The following LGSN variants were observed in gnomAD, a reference collection of about 807,000 sequenced individuals.
LGSN encodes the protein lengsin.
Under a neutral mutation model 19.5 loss-of-function variants are expected in LGSN, and 21 were observed. That is an observed-to-expected ratio of 1.07 (90% CI 0.76 to 1.55). The LOEUF (loss-of-function observed/expected upper bound fraction) is 1.55. Among genes scored for constraint, LGSN ranks in the 40% most tolerant of loss-of-function variants. The pLI is 0.00. For synonymous variants in LGSN, 257 were observed against 215.6 expected, an observed-to-expected ratio of 1.19 and a Z score of -1.68; for missense variants, 673 against 608.5, an observed-to-expected ratio of 1.11 and a Z score of -1.12.
At chr6:63,389,660 C>T in the LGSN span, among the ~76,000 whole-genome samples, 213 of 152,286 alleles carry the variant, frequency 1.4e-3, 2 homozygotes, top group African/African-American at 4.5e-3. Flanking sequence ...TGCTGTGAAA[C>T]TGCTACATGG....
chr6:63,335,158 A>T, the LGSN span, among the ~76,000 whole-genome samples: 429 of 151,850 alleles, frequency 2.8e-3, 3 homozygotes, highest in African/African-American at 9.8e-3. Flanking sequence ...AAAAAAAAAA[A>T]AAATACATTG....
At chr6:63,526,679 G>A in the LGSN span, among the ~76,000 whole-genome samples, 1 of 151,168 alleles carries the variant, frequency 6.6e-6, no homozygotes, top group South Asian at 2.1e-4. Flanking sequence ...GTGGTGGCGT[G>A]TGCCTGTAGT....
At chr6:63,281,275 G>A (rs1767301746) in intron 3 of LGSN, 55 bp from the exon 4 acceptor site, 10 of 1,278,354 alleles carry the variant, frequency 7.8e-6, no homozygotes, top group Admixed American at 3.1e-5. Flanking sequence ...AAAAGGGTCG[G>A]GGGGCGGCGG....
At chr6:63,572,322 G>T in the LGSN span, 1 of 231,338 alleles carries the variant, frequency 4.3e-6, no homozygotes, top group Non-Finnish European at 8.3e-6. Context: ...TTCATCAACC[G>T]GTTCACACCG....
chr6:63,311,901 C>T (rs1768642803), intron 1 of LGSN, among the ~76,000 whole-genome samples: 1 of 152,056 alleles, frequency 6.6e-6, no homozygotes, highest in Non-Finnish European at 1.5e-5. Context: ...ATCCCTTCAC[C>T]ACCCACCCTC....
the LGSN span, among the ~76,000 whole-genome samples, chr6:63,362,826 T>C: frequency 1.3e-5 from 2 of 152,198 alleles, no homozygotes; most frequent in African/African-American, 4.8e-5. Context: ...AACATCCCTG[T>C]CTGACAGGTC....
At chr6:63,541,313 G>C in the LGSN span, among the ~76,000 whole-genome samples, 1 of 152,058 alleles carries the variant, frequency 6.6e-6, no homozygotes, top group Non-Finnish European at 1.5e-5. Flanking sequence ...GGAAAGGTTT[G>C]GGAGGTCAAG....
chr6:63,442,361 G>T, the LGSN span, among the ~76,000 whole-genome samples: 3 of 152,156 alleles, frequency 2.0e-5, no homozygotes, highest in South Asian at 2.1e-4. Context: ...CTGCTAGCTC[G>T]GGCAGCCTGC....
chr6:63,495,935 T>A, the LGSN span, among the ~76,000 whole-genome samples: 1 of 151,814 alleles, frequency 6.6e-6, no homozygotes, highest in Non-Finnish European at 1.5e-5. Context: ...ATTAATTTTT[T>A]TAAAAAAAAA....
At chr6:63,527,521 C>T in the LGSN span, among the ~76,000 whole-genome samples, 3 of 152,096 alleles carry the variant, frequency 2.0e-5, no homozygotes, top group African/African-American at 7.2e-5. Context: ...ATCTAATGTG[C>T]TTTATACTGT....
the LGSN span, among the ~76,000 whole-genome samples, chr6:63,455,709 G>A: frequency 1.3e-5 from 2 of 151,764 alleles, no homozygotes; most frequent in African/African-American, 2.4e-5. Context: ...AGCTGAGATC[G>A]CATCATTGCA....
chr6:63,384,489 T>TG, the LGSN span, among the ~76,000 whole-genome samples: 8 of 131,504 alleles, frequency 6.1e-5, no homozygotes, highest in South Asian at 5.6e-4. Context: ...AAATAACACC[T>TG]TGTGTGTGTG....
At position 63,282,512 on chromosome 6, in the gene LGSN, G is replaced by A. The variant is rs540727715; in HGVS notation, c.331-1292C>T. 2.0e-5 allele frequency among the ~76,000 whole-genome samples: 3 copies of A among 152,216 alleles called. No individual in the cohort carries two copies. The South Asian group carries it at 6.2e-4, about 32-fold the overall frequency. ...TTCTTCTTGTGTATCCTTACATGGT[G>A]GAAGGAAGCCAGACTATTTCTTATG... On this transcript the variant is annotated intron_variant, in intron 3 of 3. Coordinates refer to ENST00000370657, the MANE Select transcript of LGSN (RefSeq NM_016571.3).
the LGSN span, among the ~76,000 whole-genome samples, chr6:63,463,080 A>T: frequency 2.0e-5 from 3 of 152,198 alleles, no homozygotes; most frequent in Non-Finnish European, 4.4e-5. Flanking sequence ...GACTGAAGCT[A>T]GACACTTGAG....
chr6:63,332,820 C>A, the LGSN span, among the ~76,000 whole-genome samples: 8 of 152,216 alleles, frequency 5.3e-5, no homozygotes, highest in African/African-American at 1.9e-4. Flanking sequence ...CACCACATGG[C>A]GGTAGGCGAA....
At chr6:63,432,544 TAGCC>T in the LGSN span, among the ~76,000 whole-genome samples, 1 of 151,460 alleles carries the variant, frequency 6.6e-6, no homozygotes, top group Non-Finnish European at 1.5e-5. Context: ...ACAAAAAAAT[TAGCC>T]AGGCGTGGTG....
chr6:63,358,432 A>AT, the LGSN span, among the ~76,000 whole-genome samples: 1 of 152,162 alleles, frequency 6.6e-6, no homozygotes, highest in Non-Finnish European at 1.5e-5. Context: ...CAGTATGGCC[A>AT]TTTTCACAAT....
chr6:63,515,064 A>G, the LGSN span, among the ~76,000 whole-genome samples: 2 of 152,234 alleles, frequency 1.3e-5, no homozygotes, highest in South Asian at 4.1e-4. Flanking sequence ...GTACAGTGGC[A>G]TGATCATAGC....
At chr6:63,451,828 C>T in the LGSN span, among the ~76,000 whole-genome samples, 69,930 of 151,754 alleles carry the variant, frequency 0.46, 17,903 homozygotes, top group Non-Finnish European at 0.56. Context: ...GAGATGGTCA[C>T]ACAATTTTTC....
Sources: gnomAD v4.1 joint callset for allele counts (sites outside exome capture counted in the v4.1 genomes callset) on GRCh38, gnomAD v4.1.1 for gene constraint, MANE v1.5 for transcripts, NCBI Gene and HGNC (gene_info 2026-07-23, HGNC 2026-07-21) for gene names.